ZNF678: variants seen among roughly 807,000 people sequenced by gnomAD.
ZNF678 encodes the protein hypothetical protein MGC42493.
ZNF678 carries 5 observed loss-of-function variants against 3.0 expected under a neutral mutation model. That is an observed-to-expected ratio of 1.69 (90% CI 0.88 to 3.56). The LOEUF (loss-of-function observed/expected upper bound fraction) is 3.56, where lower values mean the gene tolerates loss of function less well. Ranked by LOEUF, ZNF678 falls within the 30% of genes most tolerant of loss-of-function variation. The pLI, the probability that ZNF678 is intolerant of heterozygous loss-of-function variation, is 0.00. For synonymous variants in ZNF678, 218 were observed against 199.6 expected (o/e 1.09, Z -0.78); for missense variants, 593 against 605.0 (o/e 0.98, Z 0.21).
chr1:227,636,221 G>A (rs10799435), intron 1 of ZNF678, among the ~76,000 whole-genome samples: 73,003 of 151,900 alleles, frequency 0.48, 18,714 homozygotes, highest in African/African-American at 0.66. Flanking sequence ...CCTCCTAGAA[G>A]GTTTGTTCGG....
chr1:227,648,287 A>G (rs955707224), intron 2 of ZNF678, among the ~76,000 whole-genome samples: 13 of 152,210 alleles, frequency 8.5e-5, no homozygotes, highest in Non-Finnish European at 1.5e-4. Context: ...TATTTACTAT[A>G]AAGCTTACTG....
rs986919786 is a variant in ZNF678 at position 227,661,726 on chromosome 1, G to A, written c.*5898G>A. On this transcript the variant is annotated 3_prime_UTR_variant, in exon 4 of 4. Coordinates refer to ENST00000343776, the MANE Select transcript of ZNF678 (RefSeq NM_001367909.1). ...TGGCAGTCATCAGTGTGTCTTGGAA[G>A]GGACAAACATTGAGCTTCTGAACAG... 1.3e-5 allele frequency: 2 copies of A among 152,192 alleles called. No individual in the cohort carries two copies. The highest frequency in any genetic ancestry group is 2.9e-5 in the Non-Finnish European group (2 of 68,052). 9.4% of individuals were successfully genotyped at this position (152,192 alleles called of 1,614,324 possible).
intron 1 of ZNF678, among the ~76,000 whole-genome samples, chr1:227,586,962 G>C (rs1259620207): frequency 6.6e-6 from 1 of 152,196 alleles, no homozygotes; most frequent in Non-Finnish European, 1.5e-5. Context: ...GGGGTGATAG[G>C]CTGCACCTAA....
In ZNF678 at chr1:227,668,145, TC is replaced by T. The variant is rs980208806; in HGVS notation, c.227-9029del. On this transcript the variant is annotated intron_variant, in intron 5 of 5. Transcript: ENST00000608949. ...GATATTTGAGTAAAAGTGTTTTGTA[TC>T]CCCCAGGAAGAAGTCATATCCCTGA... Among the ~76,000 whole-genome samples the T allele has an allele frequency of 7.2e-5, 11 of 152,222 alleles. No homozygotes were observed. In the East Asian group the frequency reaches 1.4e-3, roughly 19 times the overall value.
intron 1 of ZNF678, among the ~76,000 whole-genome samples, chr1:227,615,499 C>T (rs1658120686): frequency 6.6e-6 from 1 of 152,190 alleles, no homozygotes; most frequent in Non-Finnish European, 1.5e-5. Context: ...CTAGACTTAA[C>T]TGCTTAGTTC....
chr1:227,631,917 A>G (rs371452885), intron 1 of ZNF678, among the ~76,000 whole-genome samples: 33 of 152,352 alleles, frequency 2.2e-4, no homozygotes, highest in East Asian at 7.7e-4. Context: ...ATTTGCCACT[A>G]TAGGAGTATG....
In ZNF678 at chr1:227,659,680, G is replaced by A. The variant is rs1482446523; in HGVS notation, c.*3852G>A. 1 of 152,030 alleles carries A rather than the reference G, an allele frequency of 6.6e-6. No individual in the cohort carries two copies. The highest frequency in any genetic ancestry group is 1.5e-5 in the Non-Finnish European group (1 of 67,976). The allele number at this position is 152,030 out of a possible 1,614,324, so 9.4% of individuals were successfully genotyped here. ...ATAGTTCAGCTAAGTTTATGAAAAA[G>A]ATGCAGACTCAGTATTTGGAGCATT... On this transcript the variant is annotated 3_prime_UTR_variant, in exon 4 of 4. Transcript: ENST00000343776.
intron 5 of ZNF678, among the ~76,000 whole-genome samples, chr1:227,674,595 TTTTTTTTTTTTTC>T (rs1659651718): frequency 1.0e-5 from 1 of 100,448 alleles, no homozygotes; most frequent in Non-Finnish European, 2.0e-5. Context: ...ATAATTTTTC[TTTTTTTTTTTTTC>T]TTTTTTTTTT....
At chr1:227,627,899 G>A (rs1270048343) in intron 1 of ZNF678, among the ~76,000 whole-genome samples, 5 of 152,188 alleles carry the variant, frequency 3.3e-5, no homozygotes, top group African/African-American at 4.8e-5. Context: ...AGGTCCCCTC[G>A]AGCGGTGTAG....
chr1:227,653,316 C>CAAACAA (rs1282127407), intron 3 of ZNF678, among the ~76,000 whole-genome samples: 1 of 151,720 alleles, frequency 6.6e-6, no homozygotes, highest in Non-Finnish European at 1.5e-5. Flanking sequence ...TTGTATTCTT[C>CAAACAA]AGTCCCACAC....
chr1:227,593,528 C>T (rs1657474975), intron 1 of ZNF678, among the ~76,000 whole-genome samples: 1 of 152,100 alleles, frequency 6.6e-6, no homozygotes, highest in African/African-American at 2.4e-5. Flanking sequence ...CGAAATCTCC[C>T]TGGATTAATG....
rs1659431828 is a variant in ZNF678 at position 227,662,442 on chromosome 1, A to C, written c.*6614A>C. On this transcript the variant is annotated 3_prime_UTR_variant, in exon 4 of 4. Coordinates refer to ENST00000343776, the MANE Select transcript of ZNF678 (RefSeq NM_001367909.1). ...TACACAGAGCAAGATGATTTACAAT[A>C]AACCTTTTGACCTAACGCACATACT... 6.6e-6 allele frequency: 1 copy of C among 152,200 alleles called. No individual in the cohort carries two copies. Among genetic ancestry groups the C allele is most frequent in the Non-Finnish European group, 1.5e-5 (1 of 68,036 alleles). The allele number at this position is 152,200 out of a possible 1,614,324, so 9.4% of individuals were successfully genotyped here.
intron 1 of ZNF678, among the ~76,000 whole-genome samples, chr1:227,619,723 G>A (rs1160078899): frequency 1.3e-5 from 2 of 151,898 alleles, no homozygotes; most frequent in African/African-American, 4.8e-5. Flanking sequence ...GTGTTAGCCA[G>A]GATGGTCTCG....
rs1488395832 is a variant in ZNF678, at chr1:227,657,772, T to G, written c.*1944T>G. 2.0e-5 allele frequency: 3 copies of G among 151,976 alleles called. No individual in the cohort carries two copies. Among genetic ancestry groups the G allele is most frequent in the African/African-American group, 7.2e-5 (3 of 41,434 alleles). The allele number at this position is 151,976 out of a possible 1,614,324, so 9.4% of individuals were successfully genotyped here. ...CTTTTTTGAGAAGAAAACAAAAATATTGGAACAAAATATAATTTAAAAAGT... is the reference window on the plus strand; with the variant it reads ...CTTTTTTGAGAAGAAAACAAAAATAGTGGAACAAAATATAATTTAAAAAGT... On this transcript the variant is annotated 3_prime_UTR_variant, in exon 4 of 4. Coordinates refer to ENST00000343776, the MANE Select transcript of ZNF678 (RefSeq NM_001367909.1).
intron 1 of ZNF678, among the ~76,000 whole-genome samples, chr1:227,593,667 T>C (rs1657479004): frequency 6.6e-6 from 1 of 152,120 alleles, no homozygotes; most frequent in South Asian, 2.1e-4. Flanking sequence ...ATGCAATAGT[T>C]TGAGGTGAAA....
chr1:227,671,893 T>TA (rs1659606453), intron 5 of ZNF678, among the ~76,000 whole-genome samples: 1 of 152,074 alleles, frequency 6.6e-6, no homozygotes. Flanking sequence ...TTTTAAAATG[T>TA]AAAAAAATAG....
intron 1 of ZNF678, among the ~76,000 whole-genome samples, chr1:227,588,587 C>T (rs1657325774): frequency 6.7e-6 from 1 of 149,002 alleles, no homozygotes; most frequent in Non-Finnish European, 1.5e-5. Context: ...GCAACCTCCA[C>T]CTCCTGTGTT....
At chr1:227,643,816 C>T (rs968730241) in intron 1 of ZNF678, among the ~76,000 whole-genome samples, 4 of 150,972 alleles carry the variant, frequency 2.6e-5, no homozygotes, top group African/African-American at 9.7e-5. Context: ...GTGTCTCTTC[C>T]ATCTATATTT....
At chr1:227,670,427 G>A (rs1051149685) in intron 5 of ZNF678, among the ~76,000 whole-genome samples, 1 of 152,198 alleles carries the variant, frequency 6.6e-6, no homozygotes, top group Non-Finnish European at 1.5e-5. Context: ...GGCCTCCATT[G>A]TATTGGAGTA....
Sources: allele counts gnomAD v4.1 joint callset (sites outside exome capture counted in the v4.1 genomes callset), GRCh38; gene constraint gnomAD v4.1.1; transcripts MANE v1.5; gene names NCBI Gene and HGNC (gene_info 2026-07-23, HGNC 2026-07-21).